The following FBXO25 variants were observed in gnomAD, a reference collection of about 807,000 sequenced individuals.
FBXO25 encodes the protein F-box only protein 25.
A neutral mutation model predicts 51.9 loss-of-function variants in FBXO25; 45 were observed. The ratio of observed to expected loss-of-function variants is 0.87; its 90% CI spans 0.68 to 1.11. The LOEUF (loss-of-function observed/expected upper bound fraction) is 1.11, where lower values mean the gene tolerates loss of function less well. Among genes scored for constraint, FBXO25 ranks in the 50% most tolerant of loss-of-function variants. The pLI, the probability that FBXO25 is intolerant of heterozygous loss-of-function variation, is 0.00. For synonymous variants in FBXO25, 199 were observed against 151.0 expected (o/e 1.32, Z -2.33); for missense variants, 507 against 428.5 (o/e 1.18, Z -1.62).
intron 8 of FBXO25, among the ~76,000 whole-genome samples, chr8:459,121 TGG>T (rs1472975124): frequency 2.0e-5 from 3 of 152,228 alleles, no homozygotes; most frequent in Non-Finnish European, 4.4e-5. Flanking sequence ...TCCCTGTTCC[TGG>T]GCCTCTGCAG....
chr8:447,143 A>G (rs915056051), intron 5 of FBXO25, among the ~76,000 whole-genome samples: 2 of 152,150 alleles, frequency 1.3e-5, no homozygotes, highest in African/African-American at 2.4e-5. Context: ...CAGATGTTCA[A>G]CTCCAGCTTG....
At chr8:458,628 C>A (rs1585093592) in intron 8 of FBXO25, 77 bp downstream of exon 8, 2 of 1,368,452 alleles carry the variant, frequency 1.5e-6, no homozygotes, top group East Asian at 2.3e-5. Context: ...TATAAACTCA[C>A]CTGGAGAGAA....
At chr8:430,381 T>C (rs577498432) in intron 2 of FBXO25, among the ~76,000 whole-genome samples, 61 of 152,344 alleles carry the variant, frequency 4.0e-4, no homozygotes, top group African/African-American at 1.4e-3. Context: ...GATTTACAAC[T>C]GTTGGCACCG....
Position 414,286 on chromosome 8 carries a change from A to C in FBXO25, c.134+1073A>C, listed in dbSNP as rs188169488. Among the ~76,000 whole-genome samples, 46 of 152,362 alleles carry C rather than the reference A, an allele frequency of 3.0e-4. 1 individual carries two copies. In the East Asian group the frequency reaches 8.7e-3, roughly 29 times the overall value. On this transcript the variant is annotated intron_variant, in intron 2 of 9. Coordinates refer to ENST00000350302, the MANE Select transcript of FBXO25 (RefSeq NM_183420.2). ...TGTAATTATGCTGTTGGTATTGCATAATGTTATACAGTTATGAATTTTCTA... is the reference window on the plus strand; with the variant it reads ...TGTAATTATGCTGTTGGTATTGCATCATGTTATACAGTTATGAATTTTCTA...
intron 9 of FBXO25, among the ~76,000 whole-genome samples, chr8:464,241 C>T (rs558101122): frequency 1.3e-5 from 2 of 152,354 alleles, no homozygotes; most frequent in Admixed American, 1.3e-4. Flanking sequence ...CAGGCGTGAG[C>T]CATGGCACCC....
intron 1 of FBXO25, 98 bp downstream of exon 1, chr8:407,164 C>A (rs1201748361): frequency 1.4e-5 from 2 of 147,336 alleles, no homozygotes; most frequent in Non-Finnish European, 2.5e-5. Context: ...GTGGGGACGA[C>A]GGGCCACGGG....
intron 2 of FBXO25, among the ~76,000 whole-genome samples, chr8:414,468 T>TA (rs1476784511): frequency 1.3e-5 from 2 of 152,216 alleles, no homozygotes; most frequent in African/African-American, 4.8e-5. Context: ...AATGTCAATT[T>TA]AAAAAAAGCT....
At position 458,421 on chromosome 8, in the gene FBXO25, A is replaced by T. The variant is rs1799594235; in HGVS notation, c.713A>T (p.Asn238Ile). 7 of 1,614,208 alleles carry T rather than the reference A, an allele frequency of 4.3e-6. No homozygotes were observed. Among genetic ancestry groups the T allele is most frequent in the Non-Finnish European group, 8.5e-7 (1 of 1,180,032 alleles). The change falls in exon 8 of 10, where the codon AAC (asparagine) becomes ATC (isoleucine). Residue 238 changes from asparagine (N) to isoleucine (I), a missense_variant. By Grantham distance (149) the Asn-to-Ile change is moderately radical (BLOSUM62 -3). Transcript: ENST00000350302. ...GACCTTCCTCTGCACATGCTGAACA[A>T]CATCCTATACCGGTTCTCAGACGGA... ...LSDLPLHMLN[N>I]ILYRFSDGWD...
At chr8:420,907 CAT>C (rs1294117073) in intron 2 of FBXO25, among the ~76,000 whole-genome samples, 2 of 152,220 alleles carry the variant, frequency 1.3e-5, no homozygotes, top group Non-Finnish European at 2.9e-5. Context: ...CTAAAATCAA[CAT>C]AGATGTTTGT....
intron 6 of FBXO25, 180 bp from the exon 7 acceptor site, chr8:451,089 T>C: frequency 1.8e-6 from 1 of 555,186 alleles, no homozygotes; most frequent in Non-Finnish European, 3.1e-6. Flanking sequence ...GGTTCATCCA[T>C]GCTGAATATG....
chr8:417,356 G>A (rs1428964625), intron 2 of FBXO25, among the ~76,000 whole-genome samples: 1 of 152,216 alleles, frequency 6.6e-6, no homozygotes, highest in East Asian at 1.9e-4. Context: ...CAGTTCTTAA[G>A]AGGGTTGGGT....
At chr8:414,168 A>G (rs1431155998) in intron 2 of FBXO25, among the ~76,000 whole-genome samples, 2 of 152,228 alleles carry the variant, frequency 1.3e-5, no homozygotes, top group African/African-American at 4.8e-5. Context: ...TACAGTGAGG[A>G]TAACACATAA....
rs773441077 is a variant in FBXO25, at chr8:413,190, C to T, written c.111C>T (p.Asn37=). The T allele has an allele frequency of 6.2e-7, 1 of 1,603,216 alleles. No individual in the cohort carries two copies. The part of the protein sequence containing the change: ...SCSQKLEREN[N]RCNISHSIIL... ...GTCAGAAACTTGAAAGAGAGAATAA[C>T]CGTTGTAACATCAGTCACAGCATGT... Residue 37 remains asparagine (N), a synonymous_variant, in exon 2 of 10, where the codon AAC becomes AAT. Transcript: ENST00000350302.
intron 8 of FBXO25, among the ~76,000 whole-genome samples, chr8:460,494 T>C (rs1799740192): frequency 6.6e-6 from 1 of 152,106 alleles, no homozygotes; most frequent in East Asian, 1.9e-4. Flanking sequence ...ATGAGAAAGC[T>C]TAGATAAGGA....
chr8:461,631 C>T (rs1421080211), intron 8 of FBXO25, among the ~76,000 whole-genome samples: 1 of 152,044 alleles, frequency 6.6e-6, no homozygotes, highest in Non-Finnish European at 1.5e-5. Flanking sequence ...TCAGCATCAC[C>T]TCAGGAAAAA....
intron 2 of FBXO25, among the ~76,000 whole-genome samples, chr8:421,603 G>GT (rs1797162060): frequency 6.6e-6 from 1 of 152,270 alleles, no homozygotes; most frequent in East Asian, 1.9e-4. Context: ...AGGGCTGTTG[G>GT]TTTTTTCAGA....
chr8:417,990 A>T (rs1199248411), intron 2 of FBXO25, among the ~76,000 whole-genome samples: 1 of 152,194 alleles, frequency 6.6e-6, no homozygotes, highest in Non-Finnish European at 1.5e-5. Flanking sequence ...ATTTTGTACC[A>T]GTTTATACTC....
intron 1 of FBXO25, chr8:407,386 G>T: frequency 1.0e-6 from 1 of 983,736 alleles, no homozygotes; most frequent in Non-Finnish European, 1.2e-6. Flanking sequence ...GGCGCGTCAG[G>T]TAGGGACGAT....
rs1378040445 is a variant in FBXO25, at chr8:472,820, A to G, written c.*4016A>G. 3 of 152,226 alleles carry G rather than the reference A, an allele frequency of 2.0e-5. No homozygotes were observed. Among genetic ancestry groups the G allele is most frequent in the Non-Finnish European group, 4.4e-5 (3 of 68,040 alleles). The allele number at this position is 152,226 out of a possible 1,614,324, so 9.4% of individuals were successfully genotyped here. A position where few individuals can be genotyped will look rare whatever the true frequency, so the allele number is the denominator to read the frequency against. On this transcript the variant is annotated 3_prime_UTR_variant, in exon 10 of 10. Coordinates refer to ENST00000350302, the MANE Select transcript of FBXO25 (RefSeq NM_183420.2). ...CTAGTCTGTTCTGCTTATCTTCAGA[A>G]TTATCAAAAGGAAGGGGTGCTGCCC... is the stretch of plus-strand genomic sequence containing the variant.
Sources: gnomAD v4.1 joint callset for allele counts (sites outside exome capture counted in the v4.1 genomes callset) on GRCh38, gnomAD v4.1.1 for gene constraint, MANE v1.5 for transcripts, NCBI Gene and HGNC (gene_info 2026-07-23, HGNC 2026-07-21) for gene names.